Variants in C9 observed in about 807,000 individuals in gnomAD.
The protein encoded by C9 is complement C9, also known as complement component C9.
A neutral mutation model predicts 65.4 loss-of-function variants in C9; 63 were observed. The observed-to-expected ratio is 0.96, with a 90% confidence interval of 0.79 to 1.19. The LOEUF (loss-of-function observed/expected upper bound fraction) is 1.19, where lower values mean the gene tolerates loss of function less well. Ranked by LOEUF, C9 falls within the 50% of genes most tolerant of loss-of-function variation. The probability of loss-of-function intolerance (pLI) is 0.00; values close to 1 mark genes in which losing one functional copy is unlikely to be tolerated. For synonymous variants in C9, 229 were observed against 227.9 expected (o/e 1.00, Z -0.04); for missense variants, 744 against 670.1 (o/e 1.11, Z -1.22).
chr5:39,311,707 G>A (rs956782780), intron 6 of C9, among the ~76,000 whole-genome samples: 4 of 152,048 alleles, frequency 2.6e-5, no homozygotes, highest in Non-Finnish European at 5.9e-5. Flanking sequence ...TAAAAATTTT[G>A]TTCACAAAAG....
Position 39,316,135 on chromosome 5 carries a change from G to A in C9, c.616-106C>T, listed in dbSNP as rs1411079560. The A allele has an allele frequency of 4.3e-6, 4 of 935,412 alleles. No homozygotes were observed. The Admixed American group carries it at 9.9e-5, about 23-fold the overall frequency. The allele number at this position is 935,412 out of a possible 1,614,324, so 57.9% of individuals were successfully genotyped here. ...TCAAACAATTCTTTGAAAGGCAGTA[G>A]AACAAAGGAGTTAAGAGCAAAAGTG... On this transcript the variant is annotated intron_variant, in intron 5 of 10. Coordinates refer to ENST00000263408, the MANE Select transcript of C9 (RefSeq NM_001737.5).
intron 5 of C9, among the ~76,000 whole-genome samples, chr5:39,322,684 GCATCCGTGGATT>G (rs1753682950): frequency 6.6e-6 from 1 of 152,090 alleles, no homozygotes; most frequent in Non-Finnish European, 1.5e-5. Context: ...TGCAGGTTTT[GCATCCGTGGATT>G]CAACCATCAT....
chr5:39,333,865 T>C (rs13354333), intron 4 of C9, among the ~76,000 whole-genome samples: 4,185 of 151,526 alleles, frequency 0.028, 180 homozygotes, highest in African/African-American at 0.094. Flanking sequence ...CCGCCAGCCT[T>C]GGCCTCCTGA....
chr5:39,288,007 C>T (rs1284207050), intron 10 of C9, among the ~76,000 whole-genome samples: 1 of 151,802 alleles, frequency 6.6e-6, no homozygotes. Context: ...AATAATGTTT[C>T]CTTATGATTA....
intron 9 of C9, among the ~76,000 whole-genome samples, chr5:39,289,831 G>T (rs1375478924): frequency 6.6e-6 from 1 of 151,824 alleles, no homozygotes; most frequent in Non-Finnish European, 1.5e-5. Context: ...GAAGTGTTAG[G>T]ATTCTTATAC....
intron 1 of C9, among the ~76,000 whole-genome samples, chr5:39,353,662 T>C (rs889059681): frequency 5.9e-5 from 9 of 152,194 alleles, no homozygotes; most frequent in African/African-American, 2.2e-4. Context: ...TATCTATTCA[T>C]CAAATATATA....
chr5:39,305,933 G>A (rs937449533), intron 9 of C9, among the ~76,000 whole-genome samples: 5 of 152,104 alleles, frequency 3.3e-5, no homozygotes, highest in Non-Finnish European at 5.9e-5. Flanking sequence ...GGCTGAGGCA[G>A]GCAGATCACT....
intron 6 of C9, among the ~76,000 whole-genome samples, chr5:39,313,752 T>C (rs532298046): frequency 1.3e-4 from 20 of 152,360 alleles, no homozygotes; most frequent in Admixed American, 3.9e-4. Context: ...AGTGACCCCA[T>C]GACGAAGTCA....
At chr5:39,357,075 T>A (rs1329811562) in intron 1 of C9, among the ~76,000 whole-genome samples, 2 of 151,944 alleles carry the variant, frequency 1.3e-5, no homozygotes, top group African/African-American at 4.8e-5. Flanking sequence ...AAATGAAGAG[T>A]CATTGATATA....
intron 1 of C9, among the ~76,000 whole-genome samples, chr5:39,361,215 T>C (rs987394999): frequency 6.6e-6 from 1 of 152,130 alleles, no homozygotes; most frequent in Non-Finnish European, 1.5e-5. Context: ...GAGTCTATGG[T>C]TTAACCTACA....
At chr5:39,285,913 G>A (rs1456659715) in intron 10 of C9, among the ~76,000 whole-genome samples, 2 of 152,042 alleles carry the variant, frequency 1.3e-5, no homozygotes, top group East Asian at 1.9e-4. Flanking sequence ...CATCATGGGT[G>A]TAAGCTAGTG....
intron 1 of C9, among the ~76,000 whole-genome samples, chr5:39,359,776 A>G (rs1168430635): frequency 6.6e-6 from 1 of 152,200 alleles, no homozygotes; most frequent in Non-Finnish European, 1.5e-5. Context: ...ACTGAGTTGT[A>G]ATTGCCATTT....
At chr5:39,319,522 C>T (rs1325943556) in intron 5 of C9, among the ~76,000 whole-genome samples, 1 of 152,152 alleles carries the variant, frequency 6.6e-6, no homozygotes, top group Non-Finnish European at 1.5e-5. Context: ...GCCAGGTCAG[C>T]ACCCGTACAC....
chr5:39,341,083 A>G, intron 4 of C9, 63 bp downstream of exon 4: 1 of 1,547,896 alleles, frequency 6.5e-7, no homozygotes, highest in South Asian at 1.1e-5. Flanking sequence ...GTCTATCACA[A>G]TGAGAGAGAT....
chr5:39,348,483 A>C, intron 1 of C9, among the ~76,000 whole-genome samples: 1 of 152,232 alleles, frequency 6.6e-6, no homozygotes, highest in East Asian at 1.9e-4. Flanking sequence ...ACCATCTCAC[A>C]CCAGTTAGAA....
intron 5 of C9, among the ~76,000 whole-genome samples, chr5:39,319,318 C>T (rs1472912304): frequency 6.6e-6 from 1 of 152,192 alleles, no homozygotes; most frequent in Non-Finnish European, 1.5e-5. Flanking sequence ...AGTTACATCC[C>T]AGCACCCTAT....
At chr5:39,363,325 C>T (rs1202804872) in intron 1 of C9, among the ~76,000 whole-genome samples, 1 of 152,162 alleles carries the variant, frequency 6.6e-6, no homozygotes, top group Non-Finnish European at 1.5e-5. Flanking sequence ...CTGGGTGCCC[C>T]CTCCTGAAAG....
At chr5:39,319,877 T>C (rs1017700594) in intron 5 of C9, among the ~76,000 whole-genome samples, 2 of 151,982 alleles carry the variant, frequency 1.3e-5, no homozygotes, top group Non-Finnish European at 2.9e-5. Flanking sequence ...ACCAGGCTCA[T>C]TCCAGCAGAC....
Position 39,342,163 on chromosome 5 carries a change from A to G in C9, c.111T>C (p.Ser37=). The G allele has an allele frequency of 6.2e-7, 1 of 1,607,286 alleles. No individual in the cohort carries two copies. Among genetic ancestry groups the G allele is most frequent in the East Asian group, 2.2e-5 (1 of 44,840 alleles). ...TCATTCTGCAGTCTATGTGTGATGCAGAGCCACTGCTTTCTGTTAGCTCTG... is the reference window on the plus strand; with the variant it reads ...TCATTCTGCAGTCTATGTGTGATGCGGAGCCACTGCTTTCTGTTAGCTCTG... The part of the protein sequence containing the change: ...YDPELTESSG[S]ASHIDCRMSP... Residue 37 remains serine, a synonymous_variant, in exon 2 of 11, where the codon TCT becomes TCC. Coordinates refer to ENST00000263408, the MANE Select transcript of C9 (RefSeq NM_001737.5).
Sources: gnomAD v4.1 joint callset for allele counts (sites outside exome capture counted in the v4.1 genomes callset) on GRCh38, gnomAD v4.1.1 for gene constraint, MANE v1.5 for transcripts, NCBI Gene and HGNC (gene_info 2026-07-23, HGNC 2026-07-21) for gene names.